Variants in ARHGAP32 observed in about 807,000 individuals in gnomAD.
ARHGAP32 encodes rho GTPase-activating protein 32.
In ARHGAP32, 51 loss-of-function variants were observed where a neutral mutation model predicts 186.5. The ratio of observed to expected loss-of-function variants is 0.27; its 90% CI spans 0.22 to 0.35. ARHGAP32 has a LOEUF of 0.35. Ranked by LOEUF, ARHGAP32 falls within the 10% of genes least tolerant of loss-of-function variation. The probability of loss-of-function intolerance (pLI) is 1.00; values close to 1 mark genes in which losing one functional copy is unlikely to be tolerated. For missense variants in ARHGAP32, 2,186 were observed against 2,623.5 expected (o/e 0.83, Z 3.64); for synonymous variants, 950 against 964.3 (o/e 0.99, Z 0.27).
chr11:129,246,857 G>C (rs1039455674), intron 1 of ARHGAP32, among the ~76,000 whole-genome samples: 4 of 152,196 alleles, frequency 2.6e-5, no homozygotes, highest in African/African-American at 9.7e-5. Flanking sequence ...TCTCAAACGT[G>C]TCTCTACCAT....
At chr11:129,034,744 AGAG>A (rs1419933532) in intron 11 of ARHGAP32, among the ~76,000 whole-genome samples, 1 of 138,526 alleles carries the variant, frequency 7.2e-6, no homozygotes, top group East Asian at 2.0e-4. Context: ...AAAAAAAAAA[AGAG>A]AGAGAGAAAA....
chr11:129,248,018 A>T (rs1197842532), intron 1 of ARHGAP32, among the ~76,000 whole-genome samples: 2 of 152,172 alleles, frequency 1.3e-5, no homozygotes, highest in Non-Finnish European at 2.9e-5. Context: ...CATCTGATTA[A>T]AAGGAAAGTG....
At chr11:129,161,457 C>T (rs920846288) in intron 2 of ARHGAP32, among the ~76,000 whole-genome samples, 5 of 149,086 alleles carry the variant, frequency 3.4e-5, no homozygotes, top group Non-Finnish European at 7.5e-5. Flanking sequence ...AACAAATTTA[C>T]AAGAAAAAAA....
At chr11:129,065,474 T>TA (rs1303754583) in intron 7 of ARHGAP32, among the ~76,000 whole-genome samples, 2 of 151,986 alleles carry the variant, frequency 1.3e-5, no homozygotes, top group African/African-American at 4.8e-5. Context: ...GCTGCTCTCT[T>TA]AAAAGGGGAT....
At chr11:129,155,501 T>A (rs986491505) in intron 2 of ARHGAP32, among the ~76,000 whole-genome samples, 17 of 152,206 alleles carry the variant, frequency 1.1e-4, no homozygotes, top group African/African-American at 3.9e-4. Context: ...TATTCTCAAC[T>A]CACAGGAAAG....
At chr11:128,982,949 T>A (rs1485814379) in intron 15 of ARHGAP32, among the ~76,000 whole-genome samples, 1 of 146,668 alleles carries the variant, frequency 6.8e-6, no homozygotes, top group African/African-American at 2.5e-5. Flanking sequence ...AATATAAGGC[T>A]GTATTATATG....
At chr11:129,188,575 T>G (rs1352369197) in intron 1 of ARHGAP32, among the ~76,000 whole-genome samples, 1 of 152,138 alleles carries the variant, frequency 6.6e-6, no homozygotes, top group Non-Finnish European at 1.5e-5. Flanking sequence ...ATAAGATAAC[T>G]GGTCCACGGT....
At chr11:129,150,761 C>T (rs1387923076) in intron 2 of ARHGAP32, among the ~76,000 whole-genome samples, 2 of 152,038 alleles carry the variant, frequency 1.3e-5, no homozygotes, top group East Asian at 3.8e-4. Flanking sequence ...CAAAATAGAA[C>T]CTCCTTAAAG....
At chr11:129,211,999 A>G (rs1338448097) in intron 1 of ARHGAP32, among the ~76,000 whole-genome samples, 1 of 152,052 alleles carries the variant, frequency 6.6e-6, no homozygotes, top group Non-Finnish European at 1.5e-5. Flanking sequence ...CACAAAAAAT[A>G]TAAAATTAGG....
At chr11:129,208,534 A>T (rs1024050918) in intron 1 of ARHGAP32, among the ~76,000 whole-genome samples, 1 of 152,214 alleles carries the variant, frequency 6.6e-6, no homozygotes, top group Non-Finnish European at 1.5e-5. Context: ...TTCTGAAAGG[A>T]TCAAATATAT....
At chr11:128,981,702 T>C (rs1283665232) in intron 16 of ARHGAP32, 127 bp downstream of exon 16, 1 of 1,149,678 alleles carries the variant, frequency 8.7e-7, no homozygotes. Flanking sequence ...GTTGCCTGTT[T>C]TAGGGAGATG....
chr11:129,131,114 G>A (rs190134805), intron 2 of ARHGAP32, among the ~76,000 whole-genome samples: 349 of 152,148 alleles, frequency 2.3e-3, no homozygotes, highest in African/African-American at 8.2e-3. Flanking sequence ...TTTATATGAA[G>A]TTCAAGAATA....
intron 1 of ARHGAP32, among the ~76,000 whole-genome samples, chr11:129,255,373 C>T (rs1293409026): frequency 6.6e-6 from 1 of 152,018 alleles, no homozygotes. Context: ...ACATCCTACA[C>T]AAAAAGCATT....
chr11:129,060,172 T>C (rs997329357), intron 10 of ARHGAP32, among the ~76,000 whole-genome samples: 2 of 152,190 alleles, frequency 1.3e-5, no homozygotes, highest in African/African-American at 2.4e-5. Context: ...GCTATACACT[T>C]AGCACACAAT....
chr11:129,063,546 AGAG>A (rs879665182), intron 9 of ARHGAP32, among the ~76,000 whole-genome samples: 1 of 152,146 alleles, frequency 6.6e-6, no homozygotes, highest in Non-Finnish European at 1.5e-5. Context: ...AATGAGACAA[AGAG>A]GAGAACAATC....
chr11:129,123,669 C>G lies in ARHGAP32; in HGVS notation c.360-139G>C, dbSNP rs1565433398. The G allele has an allele frequency of 1.3e-6, 1 of 785,964 alleles. No homozygotes were observed. The highest frequency in any genetic ancestry group is 1.7e-5 in the South Asian group (1 of 57,562). 48.7% of individuals were successfully genotyped at this position (785,964 alleles called of 1,614,324 possible). On this transcript the variant is annotated intron_variant, in intron 4 of 22. Transcript: ENST00000682385. The surrounding 1 kb of genome is among the most constrained non-coding windows in gnomAD (Gnocchi z 4.6). ...CACATGCGCATGAGCCACACATATC[C>G]GCACAAATCCTCTTAAAAATACACT...
chr11:129,184,442 A>G (rs749941206), intron 1 of ARHGAP32, among the ~76,000 whole-genome samples: 4 of 152,188 alleles, frequency 2.6e-5, no homozygotes, highest in Non-Finnish European at 4.4e-5. Flanking sequence ...CCTTGTGTGT[A>G]TGTATCTATA....
intron 1 of ARHGAP32, among the ~76,000 whole-genome samples, chr11:129,226,054 T>C (rs1450713072): frequency 6.6e-6 from 1 of 152,108 alleles, no homozygotes; most frequent in Non-Finnish European, 1.5e-5. Flanking sequence ...ATTGAGATTA[T>C]CTAATTCTTC....
At chr11:129,012,518 G>A (rs1425666837) in intron 11 of ARHGAP32, among the ~76,000 whole-genome samples, 1 of 152,148 alleles carries the variant, frequency 6.6e-6, no homozygotes, top group Non-Finnish European at 1.5e-5. Context: ...CAAGTCAGAA[G>A]CAGGCAAAGC....
Sources: allele counts gnomAD v4.1 joint callset (sites outside exome capture counted in the v4.1 genomes callset), GRCh38; gene constraint gnomAD v4.1.1; non-coding constraint Gnocchi (gnomAD v3.1); transcripts MANE v1.5; gene names NCBI Gene and HGNC (gene_info 2026-07-23, HGNC 2026-07-21).